ATP1A1: variants seen among roughly 807,000 people sequenced by gnomAD.
The protein encoded by ATP1A1 is sodium/potassium-transporting ATPase subunit alpha-1.
In ATP1A1, 14 loss-of-function variants were observed where a neutral mutation model predicts 114.8. That is an observed-to-expected ratio of 0.12 (90% CI 0.08 to 0.19). ATP1A1 has a LOEUF of 0.19. Among genes scored for constraint, ATP1A1 ranks in the 10% least tolerant of loss-of-function variants. The probability of loss-of-function intolerance (pLI) is 1.00; values close to 1 mark genes in which losing one functional copy is unlikely to be tolerated. For synonymous variants in ATP1A1, 471 were observed against 466.3 expected, an observed-to-expected ratio of 1.01 and a Z score of -0.13; for missense variants, 524 against 1,290.7, an observed-to-expected ratio of 0.41 and a Z score of 9.10.
At position 116,395,924 on chromosome 1, in the gene ATP1A1, G is replaced by T. The variant is rs982292354; in HGVS notation, c.1836+639G>T. Among the ~76,000 whole-genome samples the T allele has an allele frequency of 6.6e-6, 1 of 151,982 alleles. No homozygotes were observed. The highest frequency in any genetic ancestry group is 2.4e-5 in the African/African-American group (1 of 41,362). On this transcript the variant is annotated intron_variant, in intron 13 of 22. Transcript: ENST00000295598. This position sits in a 1 kb window ranked among gnomAD's most constrained non-coding sequence, Gnocchi z 6.4. Reference sequence around the variant, plus strand: ...CCGCTACCACGCCCAGCTAATTTTTGTATTTTTAAGTAAAGATAGGGTTTC... The same window carrying T: ...CCGCTACCACGCCCAGCTAATTTTTTTATTTTTAAGTAAAGATAGGGTTTC...
chr1:116,398,121 T>C lies in ATP1A1; in HGVS notation c.2124+83T>C. 1 of 1,542,902 alleles carries C rather than the reference T, an allele frequency of 6.5e-7. No individual in the cohort carries two copies. Among genetic ancestry groups the C allele is most frequent in the Non-Finnish European group, 8.8e-7 (1 of 1,132,722 alleles). On this transcript the variant is annotated intron_variant, in intron 15 of 22. Transcript: ENST00000295598. The surrounding 1 kb of genome is among the most constrained non-coding windows in gnomAD (Gnocchi z 6.1). ...TCCAGTGGAAACAGAGCAACGGTGA[T>C]GGATGGATGCATACCTCGCTGTATT...
At position 116,395,478 on chromosome 1, in the gene ATP1A1, G is replaced by A. The variant is rs1439044347; in HGVS notation, c.1836+193G>A. On this transcript the variant is annotated intron_variant, in intron 13 of 22. Coordinates refer to ENST00000295598, the MANE Select transcript of ATP1A1 (RefSeq NM_000701.8). This position sits in a 1 kb window ranked among gnomAD's most constrained non-coding sequence, Gnocchi z 6.4. ...AAATATGATGGTGTAAACACACGAG[G>A]AATTAAAAATTTTTTGGAAAGCAAT... Among the ~76,000 whole-genome samples, 1 of 152,000 alleles carries A rather than the reference G, an allele frequency of 6.6e-6. No homozygotes were observed. Among genetic ancestry groups the A allele is most frequent in the Non-Finnish European group, 1.5e-5 (1 of 68,002 alleles).
At chr1:116,376,866 A>G (rs1424260630) in intron 1 of ATP1A1, among the ~76,000 whole-genome samples, 1 of 152,212 alleles carries the variant, frequency 6.6e-6, no homozygotes, top group Non-Finnish European at 1.5e-5. Context: ...AAATATACAG[A>G]TTCCTGGGAA....
chr1:116,401,382 AG>A lies in ATP1A1; in HGVS notation c.2849+123del. ...CAGGTTTCTGGAATCTCTAGTTTAT[AG>A]AGCAAATTTAGGAAGCAAGAAATGT... On this transcript the variant is annotated intron_variant, in intron 20 of 22. Transcript: ENST00000295598. This position sits in a 1 kb window ranked among gnomAD's most constrained non-coding sequence, Gnocchi z 4.7. The A allele has an allele frequency of 6.5e-7, 1 of 1,532,360 alleles. No individual in the cohort carries two copies. The highest frequency in any genetic ancestry group is 1.2e-5 in the South Asian group (1 of 80,444). 94.9% of individuals were successfully genotyped at this position (1,532,360 alleles called of 1,614,324 possible).
chr1:116,396,192 T>G (rs966120560), intron 13 of ATP1A1, among the ~76,000 whole-genome samples: 1 of 152,096 alleles, frequency 6.6e-6, no homozygotes, highest in South Asian at 2.1e-4. Context: ...CACATGTTGC[T>G]TTTCCTCCAA....
At chr1:116,392,193 A>C (rs1652519440) in intron 10 of ATP1A1, 1 of 152,246 alleles carries the variant, frequency 6.6e-6, no homozygotes. Context: ...GTGTGTCATC[A>C]TGTATCATAG....
chr1:116,399,199 G>T lies in ATP1A1; in HGVS notation c.2448+115G>T. On this transcript the variant is annotated intron_variant, in intron 17 of 22. Transcript: ENST00000295598. The surrounding 1 kb of genome is among the most constrained non-coding windows in gnomAD (Gnocchi z 5.0). ...TGGCGTTGGGAAAAGAAATTCTCAG[G>T]ACCAGTATCCAGTGTGTGTCCCAAT... 6.7e-7 allele frequency: 1 copy of T among 1,494,814 alleles called. No individual in the cohort carries two copies. The highest frequency in any genetic ancestry group is 1.4e-5 in the African/African-American group (1 of 72,544). 92.6% of individuals were successfully genotyped at this position (1,494,814 alleles called of 1,614,324 possible). A position where few individuals can be genotyped will look rare whatever the true frequency, so the allele number is the denominator to read the frequency against.
intron 1 of ATP1A1, among the ~76,000 whole-genome samples, chr1:116,375,724 T>G (rs1436221302): frequency 6.6e-6 from 1 of 152,212 alleles, no homozygotes; most frequent in Non-Finnish European, 1.5e-5. Context: ...GAAGAATATT[T>G]CATGTTGGGA....
At chr1:116,377,275 C>T (rs1003181360) in intron 1 of ATP1A1, among the ~76,000 whole-genome samples, 3 of 152,154 alleles carry the variant, frequency 2.0e-5, no homozygotes, top group African/African-American at 7.2e-5. Flanking sequence ...AGTGCTGTGC[C>T]AGCCTGAGTT....
In ATP1A1 at chr1:116,374,190, C is replaced by T. The variant is rs1281923475; in HGVS notation, c.12+667C>T. 3.2e-6 allele frequency: 5 copies of T among 1,550,446 alleles called. No homozygotes were observed. The Admixed American group carries it at 5.9e-5, about 18-fold the overall frequency. On this transcript the variant is annotated intron_variant, in intron 1 of 22. Coordinates refer to ENST00000295598, the MANE Select transcript of ATP1A1 (RefSeq NM_000701.8). ...GCTTCTAAGTGCGAAGCCGGCTGGG[C>T]GGGCTGGTGCCAGAAAGGGTGTGTC...
In ATP1A1 at chr1:116,376,716, G is replaced by A. The variant is rs989009818; in HGVS notation, c.12+3193G>A. ...CGGGTGGGAGGGTAGGAAAGGGAGA[G>A]GCCTGCCTCCTAAACCTGGGAAGAT... On this transcript the variant is annotated intron_variant, in intron 1 of 22. Coordinates refer to ENST00000295598, the MANE Select transcript of ATP1A1 (RefSeq NM_000701.8). Among the ~76,000 whole-genome samples, 6 of 152,116 alleles carry A rather than the reference G, an allele frequency of 3.9e-5. No homozygotes were observed. In the South Asian group the frequency reaches 1.0e-3, roughly 26 times the overall value.
At position 116,388,045 on chromosome 1, in the gene ATP1A1, CTG is replaced by C. The variant is rs1343776130; in HGVS notation, c.388-84_388-83del. On this transcript the variant is annotated intron_variant, in intron 4 of 22. Coordinates refer to ENST00000295598, the MANE Select transcript of ATP1A1 (RefSeq NM_000701.8). The surrounding 1 kb of genome is among the most constrained non-coding windows in gnomAD (Gnocchi z 5.6). The stretch of plus-strand genomic sequence containing the variant: ...AAATCTTGGTTTCTCTATTAAAAAT[CTG>C]TTTTTTATTCAGTCAAAAAATTAAT... The C allele has an allele frequency of 7.0e-6, 6 of 853,802 alleles. No individual in the cohort carries two copies. Among genetic ancestry groups the C allele is most frequent in the Non-Finnish European group, 1.1e-5 (6 of 530,152 alleles). 52.9% of individuals were successfully genotyped at this position (853,802 alleles called of 1,614,324 possible).
In ATP1A1 at chr1:116,401,138, G is replaced by T. The variant is rs373693545; in HGVS notation, c.2727G>T (p.Glu909Asp). 6.2e-7 allele frequency: 1 copy of T among 1,614,230 alleles called. No individual in the cohort carries two copies. Residue 909 changes from glutamate to aspartate, a missense_variant, in exon 20 of 23, where the codon GAG becomes GAT. Coordinates refer to ENST00000295598, the MANE Select transcript of ATP1A1 (RefSeq NM_000701.8). The surrounding 1 kb of genome is among the most constrained non-coding windows in gnomAD (Gnocchi z 4.7). ...EDSYGQQWTY[E>D]QRKIVEFTCH... Reference sequence around the variant, plus strand: ...TGTCTTCTGCATTTCAGACCTATGAGCAGAGGAAAATCGTGGAGTTCACCT... The same window carrying T: ...TGTCTTCTGCATTTCAGACCTATGATCAGAGGAAAATCGTGGAGTTCACCT...
intron 1 of ATP1A1, chr1:116,374,144 C>A: frequency 6.5e-7 from 1 of 1,548,374 alleles, no homozygotes; most frequent in Non-Finnish European, 8.7e-7. Flanking sequence ...CGGCCGCCCT[C>A]CCCCAAAGAA....
intron 1 of ATP1A1, among the ~76,000 whole-genome samples, chr1:116,380,040 T>C (rs902119597): frequency 3.3e-5 from 5 of 152,378 alleles, no homozygotes; most frequent in African/African-American, 7.2e-5. Flanking sequence ...AGCTTTTGTC[T>C]GTGGGCTTTG....
Position 116,399,102 on chromosome 1 carries a change from C to G in ATP1A1, c.2448+18C>G. ...CTGACATGGTGAGTGTCACAACAGT[C>G]ACAGATCGATAGTAGTGAGGTGTGA... On this transcript the variant is annotated intron_variant, in intron 17 of 22. Coordinates refer to ENST00000295598, the MANE Select transcript of ATP1A1 (RefSeq NM_000701.8). This position sits in a 1 kb window ranked among gnomAD's most constrained non-coding sequence, Gnocchi z 5.0. 1 of 1,614,048 alleles carries G rather than the reference C, an allele frequency of 6.2e-7. No individual in the cohort carries two copies. Among genetic ancestry groups the G allele is most frequent in the Non-Finnish European group, 8.5e-7 (1 of 1,179,984 alleles).
Position 116,373,341 on chromosome 1 carries a change from G to A in ATP1A1, c.-171G>A, listed in dbSNP as rs943077264. On this transcript the variant is annotated 5_prime_UTR_variant, in exon 1 of 23. Coordinates refer to ENST00000295598, the MANE Select transcript of ATP1A1 (RefSeq NM_000701.8). ...CCGGGCGGCGGCAGCAACAGCGGCG[G>A]CGGCATCGGCCCGAGCCGCCGGCCG... The A allele has an allele frequency of 4.2e-4, 239 of 575,020 alleles. No individual in the cohort carries two copies. Among genetic ancestry groups the A allele is most frequent in the Non-Finnish European group, 4.7e-4 (174 of 372,652 alleles). The allele number at this position is 575,020 out of a possible 1,614,324, so 35.6% of individuals were successfully genotyped here.
chr1:116,377,144 C>G (rs146588530), intron 1 of ATP1A1, among the ~76,000 whole-genome samples: 35 of 152,318 alleles, frequency 2.3e-4, no homozygotes, highest in African/African-American at 7.9e-4. Flanking sequence ...CACTTAAAAA[C>G]AAACAGGTTT....
At chr1:116,376,738 A>T (rs1301763530) in intron 1 of ATP1A1, among the ~76,000 whole-genome samples, 1 of 152,208 alleles carries the variant, frequency 6.6e-6, no homozygotes. Context: ...AAACCTGGGA[A>T]GATGGGGAGA....
Sources: allele counts gnomAD v4.1 joint callset (sites outside exome capture counted in the v4.1 genomes callset), GRCh38; gene constraint gnomAD v4.1.1; non-coding constraint Gnocchi (gnomAD v3.1); transcripts MANE v1.5; gene names NCBI Gene and HGNC (gene_info 2026-07-23, HGNC 2026-07-21).